The following NCAM2 variants were observed in gnomAD, a reference collection of about 807,000 sequenced individuals.
NCAM2 encodes the protein neural cell adhesion molecule 2.
In NCAM2, 30 loss-of-function variants were observed where a neutral mutation model predicts 98.1. The ratio of observed to expected loss-of-function variants is 0.31; its 90% CI spans 0.23 to 0.41. The LOEUF (loss-of-function observed/expected upper bound fraction) is 0.41, where lower values mean the gene tolerates loss of function less well. Ranked by LOEUF, NCAM2 falls within the 10% of genes least tolerant of loss-of-function variation. NCAM2 has a pLI of 1.00. For missense variants in NCAM2, 867 were observed against 1,005.8 expected, an observed-to-expected ratio of 0.86 and a Z score of 1.87; for synonymous variants, 368 against 342.4, an observed-to-expected ratio of 1.07 and a Z score of -0.83.
intron 15 of NCAM2, among the ~76,000 whole-genome samples, chr21:21,506,483 A>G (rs1379555636): frequency 2.0e-5 from 3 of 152,086 alleles, no homozygotes; most frequent in Non-Finnish European, 4.4e-5. Context: ...CTTGCTTGAT[A>G]TATTATTTTT....
At chr21:21,050,537 C>T (rs562787825) in intron 1 of NCAM2, among the ~76,000 whole-genome samples, 4 of 152,126 alleles carry the variant, frequency 2.6e-5, no homozygotes, top group Non-Finnish European at 5.9e-5. Context: ...CTTAGCCTAG[C>T]ACTTCAGTTT....
At chr21:21,116,951 G>T (rs1454715195) in intron 1 of NCAM2, among the ~76,000 whole-genome samples, 1 of 151,956 alleles carries the variant, frequency 6.6e-6, no homozygotes, top group Non-Finnish European at 1.5e-5. Flanking sequence ...ATTTTAAGGC[G>T]ATAATTTTTG....
intron 1 of NCAM2, among the ~76,000 whole-genome samples, chr21:21,123,215 G>GGTTT (rs1185922152): frequency 1.3e-5 from 2 of 151,934 alleles, no homozygotes; most frequent in African/African-American, 4.8e-5. Context: ...CTGACACGGT[G>GGTTT]AAACCCGGTC....
At chr21:21,423,185 T>G (rs1268063694) in intron 11 of NCAM2, among the ~76,000 whole-genome samples, 2 of 152,144 alleles carry the variant, frequency 1.3e-5, no homozygotes, top group Admixed American at 1.3e-4. Context: ...AAAGTCACCT[T>G]CTCTTGGGCA....
At chr21:21,049,058 C>T (rs1292607252) in intron 1 of NCAM2, among the ~76,000 whole-genome samples, 1 of 139,618 alleles carries the variant, frequency 7.2e-6, no homozygotes, top group Non-Finnish European at 1.5e-5. Context: ...GTCGCCCAGG[C>T]TGGACTGCGG....
At chr21:21,324,887 A>G (rs1490085208) in intron 6 of NCAM2, among the ~76,000 whole-genome samples, 1 of 152,294 alleles carries the variant, frequency 6.6e-6, no homozygotes, top group East Asian at 1.9e-4. Context: ...TTATTAGAAT[A>G]TAATTGTGTA....
intron 16 of NCAM2, among the ~76,000 whole-genome samples, chr21:21,510,931 CT>C (rs1988335952): frequency 6.6e-6 from 1 of 151,988 alleles, no homozygotes; most frequent in South Asian, 2.1e-4. Context: ...CCTATTCAAT[CT>C]CGTGCTAAGC....
intron 1 of NCAM2, among the ~76,000 whole-genome samples, chr21:21,202,408 C>CTTTTTTTTTT (rs11385750): frequency 5.0e-5 from 4 of 80,196 alleles, no homozygotes; most frequent in Non-Finnish European, 6.4e-5. Context: ...AGCAAATATC[C>CTTTTTTTTTT]TTTTTTTTTT....
At chr21:21,381,796 A>T (rs1208054679) in intron 9 of NCAM2, among the ~76,000 whole-genome samples, 1 of 152,128 alleles carries the variant, frequency 6.6e-6, no homozygotes, top group Non-Finnish European at 1.5e-5. Flanking sequence ...ATTCATCTAT[A>T]TGTGGTTTCT....
At chr21:21,031,581 G>T (rs2064683522) in intron 1 of NCAM2, among the ~76,000 whole-genome samples, 1 of 152,126 alleles carries the variant, frequency 6.6e-6, no homozygotes, top group Non-Finnish European at 1.5e-5. Context: ...ACACCATCTT[G>T]GTTTGGTTTT....
At chr21:21,084,963 G>A (rs1258993626) in intron 1 of NCAM2, among the ~76,000 whole-genome samples, 1 of 152,120 alleles carries the variant, frequency 6.6e-6, no homozygotes, top group African/African-American at 2.4e-5. Flanking sequence ...GTGCTGGTGT[G>A]ATTTTACAGG....
At chr21:21,419,206 G>A (rs888639729) in intron 11 of NCAM2, among the ~76,000 whole-genome samples, 2 of 151,654 alleles carry the variant, frequency 1.3e-5, no homozygotes, top group African/African-American at 2.4e-5. Context: ...CTGCTATACA[G>A]TGAGCATGTA....
chr21:21,298,496 A>G (rs2073574348), intron 5 of NCAM2, among the ~76,000 whole-genome samples: 1 of 151,804 alleles, frequency 6.6e-6, no homozygotes, highest in Non-Finnish European at 1.5e-5. Context: ...TGGGAACACA[A>G]GAAAAGAAAA....
intron 8 of NCAM2, among the ~76,000 whole-genome samples, chr21:21,356,030 AG>A (rs1190890432): frequency 6.6e-6 from 1 of 152,238 alleles, no homozygotes; most frequent in Non-Finnish European, 1.5e-5. Context: ...GTGTAGAAAT[AG>A]TATTTCCTCC....
At chr21:21,133,544 T>A (rs565662393) in intron 1 of NCAM2, among the ~76,000 whole-genome samples, 43 of 152,258 alleles carry the variant, frequency 2.8e-4, no homozygotes, top group African/African-American at 9.9e-4. Context: ...ATATGGCAAA[T>A]TGCACTGACC....
chr21:21,420,310 T>C (rs2077085059), intron 11 of NCAM2, among the ~76,000 whole-genome samples: 1 of 152,024 alleles, frequency 6.6e-6, no homozygotes, highest in African/African-American at 2.4e-5. Context: ...AAAAAATTCA[T>C]ACAAACCAGA....
intron 1 of NCAM2, among the ~76,000 whole-genome samples, chr21:21,033,737 C>G (rs546729646): frequency 1.3e-5 from 2 of 152,212 alleles, no homozygotes; most frequent in South Asian, 4.2e-4. Flanking sequence ...GGTAGCCTGA[C>G]ATAGAGTTAA....
intron 1 of NCAM2, among the ~76,000 whole-genome samples, chr21:21,199,612 A>G (rs184750914): frequency 1.1e-3 from 164 of 152,318 alleles, no homozygotes; most frequent in Middle Eastern, 6.8e-3. Context: ...TATAGTCCCA[A>G]TCAACTTTGA....
At chr21:21,404,939 T>C (rs556642166) in intron 9 of NCAM2, among the ~76,000 whole-genome samples, 15 of 151,930 alleles carry the variant, frequency 9.9e-5, no homozygotes, top group South Asian at 2.1e-4. Flanking sequence ...TAAGGGTTTT[T>C]ATTTTCATTT....
Sources: gnomAD v4.1 joint callset for allele counts (sites outside exome capture counted in the v4.1 genomes callset) on GRCh38, gnomAD v4.1.1 for gene constraint, MANE v1.5 for transcripts, NCBI Gene and HGNC (gene_info 2026-07-23, HGNC 2026-07-21) for gene names.